PTPRD: variants seen among roughly 807,000 people sequenced by gnomAD.
PTPRD encodes the protein receptor-type tyrosine-protein phosphatase delta.
A neutral mutation model predicts 214.5 loss-of-function variants in PTPRD; 34 were observed. The observed-to-expected ratio is 0.16, with a 90% CI of 0.12 to 0.21. The LOEUF is 0.21. Among genes scored for constraint, PTPRD ranks in the 10% least tolerant of loss-of-function variants. The probability of loss-of-function intolerance (pLI) is 1.00; values close to 1 mark genes in which losing one functional copy is unlikely to be tolerated. For missense variants in PTPRD, 2,545 were observed against 2,398.7 expected (o/e 1.06, Z -1.27); for synonymous variants, 1,128 against 845.7 (o/e 1.33, Z -5.79).
In PTPRD at chr9:9,450,741, C is replaced by T. The variant is rs534916061; in HGVS notation, c.-236-53259G>A. On this transcript the variant is annotated intron_variant, in intron 8 of 45. Coordinates refer to ENST00000381196, the MANE Select transcript of PTPRD (RefSeq NM_002839.4). ...AAAAATTAAATATGTATTAATTGTACATATTATGGGGGGGGGTGTGTGTGT... is the reference window on the plus strand; with the variant it reads ...AAAAATTAAATATGTATTAATTGTATATATTATGGGGGGGGGTGTGTGTGT... Among the ~76,000 whole-genome samples the T allele has an allele frequency of 3.5e-4, 38 of 107,110 alleles. No homozygotes were observed. In the East Asian group the frequency reaches 0.013, roughly 37 times the overall value. The allele number at this position is 107,110 out of a possible 152,430, so 70.3% of individuals were successfully genotyped here.
At chr9:9,292,244 T>A (rs1951412242) in intron 9 of PTPRD, among the ~76,000 whole-genome samples, 1 of 151,328 alleles carries the variant, frequency 6.6e-6, no homozygotes, top group Non-Finnish European at 1.5e-5. Flanking sequence ...TCCTTCCAAG[T>A]TAACTGAAGC....
chr9:10,294,604 C>A (rs1410371834), intron 3 of PTPRD, among the ~76,000 whole-genome samples: 1 of 151,928 alleles, frequency 6.6e-6, no homozygotes, highest in Non-Finnish European at 1.5e-5. Context: ...TTTCTTATCT[C>A]ATTAGAAAAT....
chr9:10,247,381 CTTTA>C (rs1301564032), intron 3 of PTPRD, among the ~76,000 whole-genome samples: 1 of 152,084 alleles, frequency 6.6e-6, no homozygotes, highest in Non-Finnish European at 1.5e-5. Context: ...CCTATTAAAG[CTTTA>C]TTAATTACGT....
At chr9:10,264,263 C>T (rs772638643) in intron 3 of PTPRD, among the ~76,000 whole-genome samples, 68 of 152,248 alleles carry the variant, frequency 4.5e-4, no homozygotes, top group Non-Finnish European at 6.3e-4. Context: ...ATCATCCAGA[C>T]CCCAGAATTG....
chr9:9,178,106 GGAA>G (rs2099926021), intron 10 of PTPRD, among the ~76,000 whole-genome samples: 1 of 152,024 alleles, frequency 6.6e-6, no homozygotes, highest in African/African-American at 2.4e-5. Context: ...ATCAATATAA[GGAA>G]GACTTTTCTT....
rs146387534 is a variant in PTPRD, at chr9:8,325,033, C to T, written c.5535-5067G>A. 5.6e-3 allele frequency among the ~76,000 whole-genome samples: 847 copies of T among 151,454 alleles called. 12 individuals are homozygous for T. The highest frequency in any genetic ancestry group is 0.019 in the African/African-American group (796 of 41,134). ...GATGGATAGATAGCAAAAATTTCCT[C>T]CCATTCTGTAGGTTGCCTGTTCACT... On this transcript the variant is annotated intron_variant, in intron 44 of 45. Coordinates refer to ENST00000381196, the MANE Select transcript of PTPRD (RefSeq NM_002839.4).
At chr9:8,664,949 T>G (rs1476068772) in intron 12 of PTPRD, among the ~76,000 whole-genome samples, 1 of 152,170 alleles carries the variant, frequency 6.6e-6, no homozygotes, top group African/African-American at 2.4e-5. Flanking sequence ...GTCTGGGAAA[T>G]GTTCACCAAC....
intron 7 of PTPRD, among the ~76,000 whole-genome samples, chr9:9,575,747 G>GA (rs1563798903): frequency 1.5e-5 from 1 of 64,584 alleles, no homozygotes; most frequent in Non-Finnish European, 3.0e-5. Flanking sequence ...AAAAAAAAAA[G>GA]AAAGAAAGAA....
intron 4 of PTPRD, among the ~76,000 whole-genome samples, chr9:9,957,299 G>C (rs1201417036): frequency 6.6e-6 from 1 of 152,022 alleles, no homozygotes; most frequent in Non-Finnish European, 1.5e-5. Context: ...ATAAAATCCT[G>C]TGAAACATTA....
chr9:8,568,823 A>T (rs968159544), intron 14 of PTPRD, among the ~76,000 whole-genome samples: 1 of 152,052 alleles, frequency 6.6e-6, no homozygotes, highest in African/African-American at 2.4e-5. Flanking sequence ...GAAAATGTCT[A>T]TAAGTGTTGG....
chr9:9,304,584 T>C (rs1321837241), intron 9 of PTPRD, among the ~76,000 whole-genome samples: 1 of 151,970 alleles, frequency 6.6e-6, no homozygotes, highest in Non-Finnish European at 1.5e-5. Context: ...CATTTTATGA[T>C]AATAAAGTAG....
intron 11 of PTPRD, among the ~76,000 whole-genome samples, chr9:8,886,337 T>G (rs1441023178): frequency 2.0e-5 from 3 of 152,230 alleles, no homozygotes; most frequent in Admixed American, 2.0e-4. Flanking sequence ...TTCATAATGC[T>G]AATGTCTGTG....
At chr9:9,536,589 A>G (rs1050559303) in intron 8 of PTPRD, among the ~76,000 whole-genome samples, 10 of 152,020 alleles carry the variant, frequency 6.6e-5, no homozygotes, top group South Asian at 2.1e-4. Context: ...GGACAGAGCA[A>G]TATGTCAGCA....
intron 14 of PTPRD, among the ~76,000 whole-genome samples, chr9:8,611,516 G>T (rs1328287632): frequency 6.6e-6 from 1 of 151,980 alleles, no homozygotes. Context: ...ACCAGCCTGG[G>T]CAACATGACA....
chr9:9,528,475 T>C (rs1427247192), intron 8 of PTPRD, among the ~76,000 whole-genome samples: 7 of 152,072 alleles, frequency 4.6e-5, no homozygotes, highest in African/African-American at 1.7e-4. Context: ...AAAAGATTGA[T>C]AACAATGTAA....
intron 9 of PTPRD, among the ~76,000 whole-genome samples, chr9:9,225,764 A>G (rs745687601): frequency 4.6e-5 from 7 of 152,222 alleles, no homozygotes; most frequent in East Asian, 3.9e-4. Context: ...AATTTTGCCC[A>G]ATAGAACATA....
At chr9:9,767,532 G>C (rs2098716686) in intron 5 of PTPRD, among the ~76,000 whole-genome samples, 1 of 151,860 alleles carries the variant, frequency 6.6e-6, no homozygotes. Context: ...AATATGTTCA[G>C]AAACTCATCT....
At chr9:8,745,297 T>C (rs2092666919) in intron 11 of PTPRD, among the ~76,000 whole-genome samples, 1 of 152,228 alleles carries the variant, frequency 6.6e-6, no homozygotes, top group Admixed American at 6.5e-5. Context: ...TATCTACTTT[T>C]ACTATCTCTG....
chr9:9,947,389 A>AT (rs1194249146), intron 4 of PTPRD, among the ~76,000 whole-genome samples: 3 of 56,816 alleles, frequency 5.3e-5, no homozygotes, highest in African/African-American at 2.4e-4. Flanking sequence ...TATATTTTAT[A>AT]TACATATTAT....
Sources: allele counts gnomAD v4.1 joint callset (sites outside exome capture counted in the v4.1 genomes callset), GRCh38; gene constraint gnomAD v4.1.1; transcripts MANE v1.5; gene names NCBI Gene and HGNC (gene_info 2026-07-23, HGNC 2026-07-21).